CDH4: variants seen among roughly 807,000 people sequenced by gnomAD.
The protein encoded by CDH4 is cadherin-4.
CDH4 carries 33 observed loss-of-function variants against 86.0 expected under a neutral mutation model. The ratio of observed to expected loss-of-function variants is 0.38; its 90% CI spans 0.29 to 0.51. The LOEUF is 0.51. CDH4 is among the 20% of genes least tolerant of loss of function. CDH4 has a pLI of 0.86. For synonymous variants in CDH4, 555 were observed against 549.4 expected (o/e 1.01, Z -0.14); for missense variants, 1,114 against 1,307.4 (o/e 0.85, Z 2.28).
At chr20:61,469,279 G>T (rs1277284861) in intron 2 of CDH4, among the ~76,000 whole-genome samples, 1 of 152,158 alleles carries the variant, frequency 6.6e-6, no homozygotes, top group African/African-American at 2.4e-5. Flanking sequence ...ATATCTCATT[G>T]TAGTTTAGAT....
intron 2 of CDH4, among the ~76,000 whole-genome samples, chr20:61,318,869 C>A (rs1421923012): frequency 6.6e-6 from 1 of 152,210 alleles, no homozygotes; most frequent in Non-Finnish European, 1.5e-5. Flanking sequence ...GCCCAGTCAC[C>A]CTCTCTGTGC....
intron 2 of CDH4, among the ~76,000 whole-genome samples, chr20:61,665,563 T>G (rs2087313720): frequency 6.6e-6 from 1 of 152,148 alleles, no homozygotes; most frequent in Non-Finnish European, 1.5e-5. Context: ...TCCTAGTGGG[T>G]GATAAATTCC....
chr20:61,648,983 G>T (rs1011707090), intron 2 of CDH4, among the ~76,000 whole-genome samples: 2 of 152,188 alleles, frequency 1.3e-5, no homozygotes, highest in Non-Finnish European at 1.5e-5. Context: ...TGCTGCAGGG[G>T]ACTTGCACCA....
Position 61,539,953 on chromosome 20 carries a change from C to T in CDH4, c.170-203610C>T, listed in dbSNP as rs550578937. ...TCTGTGTGCTCACCACATTCCCTGT[C>T]CAATTCCCTCCCAGCTTCCCACCGT... On this transcript the variant is annotated intron_variant, in intron 2 of 15. Transcript: ENST00000614565. Among the ~76,000 whole-genome samples, 31 of 152,320 alleles carry T rather than the reference C, an allele frequency of 2.0e-4. 1 individual carries two copies. Among genetic ancestry groups the T allele is most frequent in the Admixed American group, 1.1e-3 (17 of 15,306 alleles).
At chr20:61,254,977 A>G (rs1371046939) in intron 2 of CDH4, 40 bp downstream of exon 2, 1 of 1,163,368 alleles carries the variant, frequency 8.6e-7, no homozygotes. Flanking sequence ...AATTGCTGCC[A>G]TGCTTTTCCT....
At chr20:61,281,182 G>A (rs754956119) in intron 2 of CDH4, among the ~76,000 whole-genome samples, 22 of 152,244 alleles carry the variant, frequency 1.4e-4, no homozygotes, top group Admixed American at 8.5e-4. Flanking sequence ...AGGCTCCAGC[G>A]GGTTCTCACC....
intron 6 of CDH4, among the ~76,000 whole-genome samples, chr20:61,866,045 A>G (rs1406581392): frequency 6.6e-6 from 1 of 152,130 alleles, no homozygotes; most frequent in Non-Finnish European, 1.5e-5. Flanking sequence ...GCATCCTGGC[A>G]CTGAGGTCAT....
intron 2 of CDH4, among the ~76,000 whole-genome samples, chr20:61,689,183 A>T (rs1331679502): frequency 3.9e-5 from 6 of 152,106 alleles, no homozygotes; most frequent in East Asian, 1.9e-4. Flanking sequence ...GGTGATGTGG[A>T]ATCAGGCTGG....
At chr20:61,415,435 A>G (rs561573639) in intron 2 of CDH4, among the ~76,000 whole-genome samples, 1 of 152,346 alleles carries the variant, frequency 6.6e-6, no homozygotes, top group South Asian at 2.1e-4. Context: ...CATTAGGTAC[A>G]TTCACAGAGT....
chr20:61,859,698 C>T (rs1983229311), intron 6 of CDH4, among the ~76,000 whole-genome samples: 1 of 152,262 alleles, frequency 6.6e-6, no homozygotes, highest in Non-Finnish European at 1.5e-5. Flanking sequence ...GCAGGACATC[C>T]ATTGGGCACA....
At chr20:61,700,350 G>T (rs1016685132) in intron 2 of CDH4, among the ~76,000 whole-genome samples, 2 of 152,204 alleles carry the variant, frequency 1.3e-5, no homozygotes, top group African/African-American at 2.4e-5. Flanking sequence ...CTGCGTGGCT[G>T]GTCACGTCTC....
intron 2 of CDH4, among the ~76,000 whole-genome samples, chr20:61,722,635 ACCCC>A (rs1328729607): frequency 4.0e-5 from 4 of 99,470 alleles, no homozygotes; most frequent in Non-Finnish European, 8.3e-5. Context: ...GCGCCCCCCC[ACCCC>A]CCACGCATGC....
intron 2 of CDH4, among the ~76,000 whole-genome samples, chr20:61,587,617 A>T (rs1300519010): frequency 6.6e-6 from 1 of 151,930 alleles, no homozygotes; most frequent in Non-Finnish European, 1.5e-5. Flanking sequence ...TCCCCAGCTG[A>T]CCCCATAACC....
At position 61,302,503 on chromosome 20, in the gene CDH4, C is replaced by CA. The variant is rs140541812; in HGVS notation, c.169+47567dup. Among the ~76,000 whole-genome samples the CA allele has an allele frequency of 8.6e-3, 1,302 of 151,280 alleles. 14 individuals carry two copies. The highest frequency in any genetic ancestry group is 0.03 in the African/African-American group (1,235 of 41,160). On this transcript the variant is annotated intron_variant, in intron 2 of 15. Coordinates refer to ENST00000614565, the MANE Select transcript of CDH4 (RefSeq NM_001794.5). ...GCCTGGGTTGGGGGGGGTCTGTTGT[C>CA]ACAAACGTCATTCTTCACAGGAGAA...
chr20:61,933,426 G>A (rs192302301), intron 14 of CDH4, among the ~76,000 whole-genome samples: 12 of 152,342 alleles, frequency 7.9e-5, no homozygotes, highest in African/African-American at 2.4e-4. Context: ...CAAGCACACC[G>A]ATGCCCACTC....
In CDH4 at chr20:61,576,167, C is replaced by T. The variant is rs967772612; in HGVS notation, c.170-167396C>T. 2.6e-5 allele frequency among the ~76,000 whole-genome samples: 4 copies of T among 152,330 alleles called. 1 individual carries two copies. ...TGGAGCACAGCTCCTGGTAGCGTGG[C>T]TTCTCAGTGTGGGCTTTATTTTGAC... On this transcript the variant is annotated intron_variant, in intron 2 of 15. Transcript: ENST00000614565.
At chr20:61,620,526 A>G (rs1162234700) in intron 2 of CDH4, among the ~76,000 whole-genome samples, 3 of 149,762 alleles carry the variant, frequency 2.0e-5, no homozygotes, top group Admixed American at 6.6e-5. Context: ...ACATACATAC[A>G]TACATACATG....
At chr20:61,711,922 G>T (rs1285194532) in intron 2 of CDH4, among the ~76,000 whole-genome samples, 1 of 152,168 alleles carries the variant, frequency 6.6e-6, no homozygotes, top group East Asian at 1.9e-4. Flanking sequence ...AAGTGTCCTG[G>T]GGTGTCATCA....
chr20:61,403,319 G>A (rs779364863), intron 2 of CDH4, among the ~76,000 whole-genome samples: 1 of 152,176 alleles, frequency 6.6e-6, no homozygotes, highest in Non-Finnish European at 1.5e-5. Flanking sequence ...TGGGTTTGAG[G>A]GTGTTTCCTT....
Sources: gnomAD v4.1 joint callset for allele counts (sites outside exome capture counted in the v4.1 genomes callset) on GRCh38, gnomAD v4.1.1 for gene constraint, MANE v1.5 for transcripts, NCBI Gene and HGNC (gene_info 2026-07-23, HGNC 2026-07-21) for gene names.